The following PTPRD variants were observed in gnomAD, a reference collection of about 807,000 sequenced individuals.
PTPRD encodes the protein receptor-type tyrosine-protein phosphatase delta.
Under a neutral mutation model 214.5 loss-of-function variants are expected in PTPRD, and 34 were observed. The ratio of observed to expected loss-of-function variants is 0.16; its 90% confidence interval spans 0.12 to 0.21. The LOEUF (loss-of-function observed/expected upper bound fraction) is 0.21. Among genes scored for constraint, PTPRD ranks in the 10% least tolerant of loss-of-function variants. PTPRD has a pLI of 1.00. For synonymous variants in PTPRD, 1,128 were observed against 845.7 expected, an observed-to-expected ratio of 1.33 and a Z score of -5.79; for missense variants, 2,545 against 2,398.7, an observed-to-expected ratio of 1.06 and a Z score of -1.27.
intron 9 of PTPRD, among the ~76,000 whole-genome samples, chr9:9,392,731 C>T (rs79889682): frequency 6.6e-6 from 1 of 152,106 alleles, no homozygotes; most frequent in South Asian, 2.1e-4. Context: ...CATAGATGAC[C>T]CACTGTTATT....
chr9:8,629,459 C>A (rs1318467120), intron 14 of PTPRD, among the ~76,000 whole-genome samples: 1 of 151,804 alleles, frequency 6.6e-6, no homozygotes, highest in Non-Finnish European at 1.5e-5. Flanking sequence ...ACTAACGAAA[C>A]AGACAGAACC....
At chr9:8,474,684 A>C (rs2096728702) in intron 30 of PTPRD, among the ~76,000 whole-genome samples, 1 of 152,126 alleles carries the variant, frequency 6.6e-6, no homozygotes, top group African/African-American at 2.4e-5. Context: ...TCTAGCCTGA[A>C]ACCCTGGACG....
intron 37 of PTPRD, among the ~76,000 whole-genome samples, chr9:8,381,115 C>G (rs1002379280): frequency 6.6e-6 from 1 of 152,138 alleles, no homozygotes; most frequent in Non-Finnish European, 1.5e-5. Context: ...CTAAAAGTGA[C>G]TCTAAATTCG....
chr9:8,607,748 C>G, intron 14 of PTPRD, among the ~76,000 whole-genome samples: 1 of 152,166 alleles, frequency 6.6e-6, no homozygotes, highest in Non-Finnish European at 1.5e-5. Context: ...CTAGAGCTGC[C>G]ATGCCAAACC....
intron 12 of PTPRD, among the ~76,000 whole-genome samples, chr9:8,668,072 C>G (rs950425802): frequency 2.0e-5 from 3 of 152,058 alleles, no homozygotes; most frequent in East Asian, 1.9e-4. Flanking sequence ...TGAAGATACC[C>G]AATGACCACT....
chr9:10,536,710 C>A (rs955576429), intron 2 of PTPRD, among the ~76,000 whole-genome samples: 1 of 152,054 alleles, frequency 6.6e-6, no homozygotes, highest in Non-Finnish European at 1.5e-5. Flanking sequence ...TGTATAAATA[C>A]TGGCCCAGGG....
intron 9 of PTPRD, among the ~76,000 whole-genome samples, chr9:9,238,195 G>A (rs2099968202): frequency 6.6e-6 from 1 of 151,966 alleles, no homozygotes; most frequent in Non-Finnish European, 1.5e-5. Flanking sequence ...ATGTAGCCCT[G>A]AGAGTCATGA....
At chr9:10,413,513 C>A (rs540435607) in intron 2 of PTPRD, among the ~76,000 whole-genome samples, 1 of 151,916 alleles carries the variant, frequency 6.6e-6, no homozygotes, top group Non-Finnish European at 1.5e-5. Context: ...GAATCAATAT[C>A]ATTAAAATGG....
intron 30 of PTPRD, among the ~76,000 whole-genome samples, chr9:8,480,523 T>C (rs904597933): frequency 1.3e-5 from 2 of 152,204 alleles, no homozygotes; most frequent in Non-Finnish European, 2.9e-5. Context: ...CTGTCGCTAC[T>C]GAATCCCTGA....
intron 8 of PTPRD, among the ~76,000 whole-genome samples, chr9:9,560,281 A>G (rs1215922437): frequency 1.3e-5 from 2 of 152,178 alleles, no homozygotes; most frequent in African/African-American, 4.8e-5. Flanking sequence ...CCTGGACCTA[A>G]TAGCTTCTCA....
intron 10 of PTPRD, among the ~76,000 whole-genome samples, chr9:9,166,472 T>C (rs915091222): frequency 2.0e-5 from 3 of 152,106 alleles, no homozygotes; most frequent in African/African-American, 7.2e-5. Flanking sequence ...TGTGCAAAGT[T>C]TAAGACCACC....
rs150506021 is a variant in PTPRD, at chr9:9,645,457, G to GTATATATA, written c.-286-70684_-286-70677dup. Among the ~76,000 whole-genome samples the GTATATATA allele has an allele frequency of 2.4e-3, 329 of 134,338 alleles. 1 individual carries two copies. Among genetic ancestry groups the GTATATATA allele is most frequent in the South Asian group, 6.5e-3 (29 of 4,432 alleles). 88.1% of individuals were successfully genotyped at this position (134,338 alleles called of 152,430 possible). A position where few individuals can be genotyped will look rare whatever the true frequency, so the allele number is the denominator to read the frequency against. On this transcript the variant is annotated intron_variant, in intron 7 of 45. Coordinates refer to ENST00000381196, the MANE Select transcript of PTPRD (RefSeq NM_002839.4). ...AATTATCAGGTTTCCCTACATATAT[G>GTATATATA]TATATATATATATATATATATATTT...
At chr9:9,825,853 C>G (rs1433016399) in intron 5 of PTPRD, among the ~76,000 whole-genome samples, 1 of 151,390 alleles carries the variant, frequency 6.6e-6, no homozygotes, top group Admixed American at 6.6e-5. Context: ...TTTTATTAGT[C>G]AATTTATTCT....
chr9:9,073,820 C>T (rs1013139564), intron 10 of PTPRD, among the ~76,000 whole-genome samples: 1 of 126,698 alleles, frequency 7.9e-6, no homozygotes, highest in Non-Finnish European at 1.7e-5. Flanking sequence ...GAACTAAATG[C>T]CAGTTCTAAT....
At chr9:10,612,086 G>C (rs2081154112) in intron 2 of PTPRD, among the ~76,000 whole-genome samples, 1 of 150,682 alleles carries the variant, frequency 6.6e-6, no homozygotes, top group South Asian at 2.1e-4. Flanking sequence ...TTAAATCTTA[G>C]AACCAACCAA....
At position 10,600,876 on chromosome 9, in the gene PTPRD, A is replaced by G. The variant is rs147662730; in HGVS notation, c.-600+11522T>C. On this transcript the variant is annotated intron_variant, in intron 2 of 45. Transcript: ENST00000381196. ...ATTAGTGCTTGAAGAGAAAATGCAT[A>G]TAATATTACAAAATATGAGACAGCC... Among the ~76,000 whole-genome samples, 3 of 151,890 alleles carry G rather than the reference A, an allele frequency of 2.0e-5. No homozygotes were observed. The East Asian group carries it at 5.8e-4, about 30-fold the overall frequency.
intron 9 of PTPRD, among the ~76,000 whole-genome samples, chr9:9,275,073 T>TATA (rs376736899): frequency 0.08 from 6,437 of 80,372 alleles, 401 homozygotes; most frequent in Middle Eastern, 0.11. Flanking sequence ...ATATTATATA[T>TATA]ATATATATAA....
chr9:8,902,033 C>G (rs10815991), intron 11 of PTPRD, among the ~76,000 whole-genome samples: 31,762 of 152,078 alleles, frequency 0.21, 3,789 homozygotes, highest in East Asian at 0.5. Context: ...TTTTTCTACA[C>G]AATTGCACAT....
intron 11 of PTPRD, among the ~76,000 whole-genome samples, chr9:8,922,479 C>G (rs2098834499): frequency 6.6e-6 from 1 of 152,168 alleles, no homozygotes; most frequent in South Asian, 2.1e-4. Flanking sequence ...GAAATTCTTA[C>G]TTTCTTAACA....
Sources: gnomAD v4.1 joint callset for allele counts (sites outside exome capture counted in the v4.1 genomes callset) on GRCh38, gnomAD v4.1.1 for gene constraint, MANE v1.5 for transcripts, NCBI Gene and HGNC (gene_info 2026-07-23, HGNC 2026-07-21) for gene names.